The following GATB variants were observed in gnomAD, a reference collection of about 807,000 sequenced individuals.
GATB encodes the protein glutamyl-tRNA(Gln) amidotransferase subunit B, mitochondrial.
In GATB, 39 loss-of-function variants were observed where a neutral mutation model predicts 62.3. The observed-to-expected ratio is 0.63, with a 90% confidence interval of 0.48 to 0.82. The LOEUF is 0.82. Ranked by LOEUF, GATB falls within the 40% of genes least tolerant of loss-of-function variation. The pLI is 0.00. For synonymous variants in GATB, 276 were observed against 258.9 expected (o/e 1.07, Z -0.63); for missense variants, 670 against 684.0 (o/e 0.98, Z 0.23).
In GATB at chr4:151,758,908, G is replaced by T. The variant is rs145880897; in HGVS notation, c.191C>A (p.Ala64Asp). ...QKTRKGEHKW[A>D]AVVGLEIHAQ... Reference sequence around the variant, plus strand: ...ATGAATTTCCAAACCTACCACAGCAGCCCATTTGTGTTCACTAAGAAGAAA... The same window carrying T: ...ATGAATTTCCAAACCTACCACAGCATCCCATTTGTGTTCACTAAGAAGAAA... The change falls in exon 2 of 13, where the codon GCT becomes GAT. Residue 64 changes from alanine (A) to aspartate (D), a missense_variant. Physicochemically the swap from Ala to Asp is moderately radical, Grantham distance 126. Transcript: ENST00000263985. 4 of 1,605,096 alleles carry T rather than the reference G, an allele frequency of 2.5e-6. No individual in the cohort carries two copies. In the Admixed American group the frequency reaches 5.1e-5, roughly 21 times the overall value.
At chr4:151,671,665 G>A (rs1737865601) in intron 12 of GATB, among the ~76,000 whole-genome samples, 1 of 152,156 alleles carries the variant, frequency 6.6e-6, no homozygotes, top group African/African-American at 2.4e-5. Context: ...CGTCTAATCA[G>A]TGAGGACACC....
At chr4:151,718,220 CA>C (rs1333272185) in intron 3 of GATB, among the ~76,000 whole-genome samples, 1 of 152,176 alleles carries the variant, frequency 6.6e-6, no homozygotes, top group Non-Finnish European at 1.5e-5. Context: ...GAGAATCCTG[CA>C]AAAGGCTAAC....
chr4:151,678,437 TTCTCTCTC>T (rs35701179), intron 11 of GATB, among the ~76,000 whole-genome samples: 1 of 150,070 alleles, frequency 6.7e-6, no homozygotes, highest in Non-Finnish European at 1.5e-5. Flanking sequence ...CAATGTGTTC[TTCTCTCTC>T]TCTCTCTCTC....
intron 1 of GATB, 55 bp from the exon 2 acceptor site, chr4:151,758,977 T>G (rs1739896275): frequency 7.6e-7 from 1 of 1,309,730 alleles, no homozygotes; most frequent in African/African-American, 1.5e-5. Context: ...CATGAATGAA[T>G]TTCTATAAGT....
chr4:151,676,750 C>T (rs1738015342), intron 11 of GATB, among the ~76,000 whole-genome samples: 1 of 152,216 alleles, frequency 6.6e-6, no homozygotes, highest in Admixed American at 6.5e-5. Flanking sequence ...TTCCCAGCTT[C>T]TATTTCTGAT....
chr4:151,745,419 T>C (rs1019912734), intron 2 of GATB, among the ~76,000 whole-genome samples: 13 of 152,246 alleles, frequency 8.5e-5, no homozygotes, highest in Non-Finnish European at 1.8e-4. Context: ...ACAAAAGTTA[T>C]CACCAATATC....
chr4:151,734,725 T>A (rs1282906514), intron 2 of GATB, among the ~76,000 whole-genome samples: 1 of 152,110 alleles, frequency 6.6e-6, no homozygotes, highest in Non-Finnish European at 1.5e-5. Flanking sequence ...GGTACTGGCA[T>A]AAAAATAGGC....
At chr4:151,705,311 C>T (rs374262101) in intron 6 of GATB, 42 bp from the exon 7 acceptor site, 1 of 1,229,332 alleles carries the variant, frequency 8.1e-7, no homozygotes, top group Non-Finnish European at 1.2e-6. Context: ...TTTGATTATA[C>T]CTTTCATCCA....
chr4:151,680,165 GTAAT>G (rs1738107282), intron 10 of GATB, among the ~76,000 whole-genome samples: 2 of 151,878 alleles, frequency 1.3e-5, no homozygotes, highest in East Asian at 1.9e-4. Flanking sequence ...ACTGCTCAGT[GTAAT>G]TAGTCAAGAA....
chr4:151,713,766 C>T (rs1234158343), intron 5 of GATB, among the ~76,000 whole-genome samples: 4 of 152,104 alleles, frequency 2.6e-5, no homozygotes, highest in African/African-American at 9.7e-5. Flanking sequence ...CATGACACTG[C>T]CATGGCTGCC....
rs377145403 is a variant in GATB, at chr4:151,694,844, C to T, written c.1198-6081G>A. Among the ~76,000 whole-genome samples, 4 of 152,218 alleles carry T rather than the reference C, an allele frequency of 2.6e-5. No homozygotes were observed. In the East Asian group the frequency reaches 5.8e-4, roughly 22 times the overall value. On this transcript the variant is annotated intron_variant, in intron 9 of 12. Transcript: ENST00000263985. ...CTGGTCATTTCTGGCTTACTAGCCA[C>T]TTAAAGGAAAATTCTTGAAAAACAA...
chr4:151,716,892 A>G lies in GATB; in HGVS notation c.624T>C (p.Ile208=). 6.2e-7 allele frequency: 1 copy of G among 1,614,190 alleles called. No homozygotes were observed. The highest frequency in any genetic ancestry group is 8.5e-7 in the Non-Finnish European group (1 of 1,180,030). ...CAAGCCTACCTGCCCTGTTCAAATC[A>G]ATGAGCGTCTGAGACCTCAGGTTGT... ...LHDNLRSQTL[I]DLNRAGVGLL... is the part of the protein sequence containing the mutation. The change falls in exon 4 of 13, where the codon ATT becomes ATC. Residue 208 remains isoleucine, a synonymous_variant. Transcript: ENST00000263985.
At position 151,671,563 on chromosome 4, in the gene GATB, G is replaced by T. The variant is rs74634348; in HGVS notation, c.1546-261C>A. Among the ~76,000 whole-genome samples, 1,468 of 152,222 alleles carry T rather than the reference G, an allele frequency of 9.6e-3. 20 individuals carry two copies. Among genetic ancestry groups the T allele is most frequent in the African/African-American group, 0.034 (1,395 of 41,520 alleles). ...TGCCGAAAGCCAGAGAAGCTGGCACGTGGGAGCCAGGGCCCTCCCCTCTGC... is the reference window on the plus strand; with the variant it reads ...TGCCGAAAGCCAGAGAAGCTGGCACTTGGGAGCCAGGGCCCTCCCCTCTGC... On this transcript the variant is annotated intron_variant, in intron 12 of 12. Coordinates refer to ENST00000263985, the MANE Select transcript of GATB (RefSeq NM_004564.3).
At chr4:151,703,618 C>T (rs1347080427) in intron 8 of GATB, 2 of 559,168 alleles carry the variant, frequency 3.6e-6, no homozygotes, top group Non-Finnish European at 6.4e-6. Context: ...CAAGTTCTTC[C>T]AAAAGCTGAA....
At chr4:151,741,885 G>T (rs986489621) in intron 2 of GATB, among the ~76,000 whole-genome samples, 3 of 152,168 alleles carry the variant, frequency 2.0e-5, no homozygotes, top group Admixed American at 2.0e-4. Context: ...TTGGGAAAAT[G>T]ATCATCTTTA....
At chr4:151,675,219 G>A (rs1046375761) in intron 11 of GATB, 5 of 152,146 alleles carry the variant, frequency 3.3e-5, no homozygotes, top group East Asian at 1.9e-4. Context: ...AGGGCCAGGC[G>A]GGGTGGTACC....
chr4:151,726,144 G>C (rs1003814783), intron 2 of GATB, among the ~76,000 whole-genome samples: 1 of 152,226 alleles, frequency 6.6e-6, no homozygotes, highest in Non-Finnish European at 1.5e-5. Flanking sequence ...AATTTATGGA[G>C]AGAAAGCAAT....
At chr4:151,743,338 T>C (rs1461243786) in intron 2 of GATB, among the ~76,000 whole-genome samples, 4 of 152,230 alleles carry the variant, frequency 2.6e-5, no homozygotes, top group Non-Finnish European at 5.9e-5. Context: ...ATTCTTGTCT[T>C]TGCTCTCTCC....
intron 1 of GATB, 69 bp downstream of exon 1, chr4:151,760,738 G>A (rs758756942): frequency 5.2e-5 from 73 of 1,392,590 alleles, no homozygotes; most frequent in Non-Finnish European, 6.8e-5. Context: ...GGCCGTAATT[G>A]CCATTATTTC....
Sources: allele counts gnomAD v4.1 joint callset (sites outside exome capture counted in the v4.1 genomes callset), GRCh38; gene constraint gnomAD v4.1.1; transcripts MANE v1.5; gene names NCBI Gene and HGNC (gene_info 2026-07-23, HGNC 2026-07-21).